Variants in IGSF21 observed in about 807,000 individuals in gnomAD.
IGSF21 encodes immunoglobin superfamily member 21.
Under a neutral mutation model 46.8 loss-of-function variants are expected in IGSF21, and 28 were observed. The observed-to-expected ratio is 0.60, with a 90% CI of 0.44 to 0.82. IGSF21 has a LOEUF of 0.82. Ranked by LOEUF, IGSF21 falls within the 40% of genes least tolerant of loss-of-function variation. The probability of loss-of-function intolerance (pLI) is 0.00; values close to 1 mark genes in which losing one functional copy is unlikely to be tolerated. For missense variants in IGSF21, 624 were observed against 665.5 expected (o/e 0.94, Z 0.69); for synonymous variants, 284 against 273.6 (o/e 1.04, Z -0.38).
At chr1:18,171,886 T>C (rs2086740676) in intron 1 of IGSF21, among the ~76,000 whole-genome samples, 1 of 152,190 alleles carries the variant, frequency 6.6e-6, no homozygotes, top group Non-Finnish European at 1.5e-5. Flanking sequence ...TTCCCTCTAA[T>C]AGTGATTGGT....
At position 18,337,060 on chromosome 1, in the gene IGSF21, G is replaced by A. The variant is rs2085776384; in HGVS notation, c.424+2050G>A. ...GGGAATTGTGGGAGCTACAGTATAAGATGAGATTTGAGTTGGGACACAGCC... is the reference window on the plus strand; with the variant it reads ...GGGAATTGTGGGAGCTACAGTATAAAATGAGATTTGAGTTGGGACACAGCC... On this transcript the variant is annotated intron_variant, in intron 4 of 9. Transcript: ENST00000251296. This position sits in a 1 kb window ranked among gnomAD's most constrained non-coding sequence, Gnocchi z 5.7. Among the ~76,000 whole-genome samples the A allele has an allele frequency of 6.6e-6, 1 of 152,204 alleles. No homozygotes were observed. The highest frequency in any genetic ancestry group is 1.5e-5 in the Non-Finnish European group (1 of 68,032).
intron 3 of IGSF21, among the ~76,000 whole-genome samples, chr1:18,331,299 A>G (rs2085710703): frequency 6.6e-6 from 1 of 151,272 alleles, no homozygotes; most frequent in South Asian, 2.1e-4. Flanking sequence ...TTATTGTATC[A>G]TTCTTATGCC....
chr1:18,372,891 T>C (rs1051646371), intron 6 of IGSF21, among the ~76,000 whole-genome samples: 28 of 150,692 alleles, frequency 1.9e-4, no homozygotes, highest in African/African-American at 6.6e-4. Context: ...GATGGATGGA[T>C]GAGTGGGTGA....
At chr1:18,180,774 C>T (rs2086849786) in intron 1 of IGSF21, among the ~76,000 whole-genome samples, 1 of 152,182 alleles carries the variant, frequency 6.6e-6, no homozygotes, top group Non-Finnish European at 1.5e-5. Flanking sequence ...TCATTTAAGG[C>T]TTATACAACC....
At chr1:18,188,995 A>C (rs973900574) in intron 1 of IGSF21, among the ~76,000 whole-genome samples, 14 of 152,178 alleles carry the variant, frequency 9.2e-5, no homozygotes, top group Non-Finnish European at 1.8e-4. Flanking sequence ...GTCAGAGATG[A>C]GCTGGCACTG....
In IGSF21 at chr1:18,270,463, C is replaced by T. The variant is rs1488126634; in HGVS notation, c.184-21403C>T. On this transcript the variant is annotated intron_variant, in intron 2 of 9. Coordinates refer to ENST00000251296, the MANE Select transcript of IGSF21 (RefSeq NM_032880.5). ...CCTGCTTCATGCCTCTCCAGGGCAG[C>T]CTCGGGCAAGAGGGAGCCCTTGGTG... is the stretch of plus-strand genomic sequence containing the variant. 3.3e-5 allele frequency among the ~76,000 whole-genome samples: 5 copies of T among 152,352 alleles called. No individual in the cohort carries two copies. The South Asian group carries it at 8.3e-4, about 25-fold the overall frequency.
intron 2 of IGSF21, among the ~76,000 whole-genome samples, chr1:18,244,228 A>G (rs76925306): frequency 0.038 from 5,712 of 152,318 alleles, 119 homozygotes; most frequent in Non-Finnish European, 0.053. Context: ...CGCTCCATGC[A>G]TTGCCCCCGG....
chr1:18,304,722 CACACACAT>C (rs59127488), intron 3 of IGSF21, among the ~76,000 whole-genome samples: 38,931 of 110,332 alleles, frequency 0.35, 5,263 homozygotes, highest in African/African-American at 0.45. Flanking sequence ...CACACACACA[CACACACAT>C]ACACACACAC....
intron 1 of IGSF21, among the ~76,000 whole-genome samples, chr1:18,212,308 A>G (rs2124491932): frequency 6.6e-6 from 1 of 152,338 alleles, no homozygotes; most frequent in East Asian, 1.9e-4. Flanking sequence ...CTAGCTTGTG[A>G]TAGAGTCAGA....
chr1:18,108,216 T>C lies in IGSF21; in HGVS notation c.70+18T>C. 1.5e-6 allele frequency: 2 copies of C among 1,363,084 alleles called. No individual in the cohort carries two copies. Among genetic ancestry groups the C allele is most frequent in the South Asian group, 3.5e-5 (2 of 57,506 alleles). The allele number at this position is 1,363,084 out of a possible 1,614,324, so 84.4% of individuals were successfully genotyped here. A position where few individuals can be genotyped will look rare whatever the true frequency, so the allele number is the denominator to read the frequency against. On this transcript the variant is annotated intron_variant, in intron 1 of 9. Coordinates refer to ENST00000251296, the MANE Select transcript of IGSF21 (RefSeq NM_032880.5). ...GGCGCGCGGTGAGTGCGCGGGCGCCTGGCGGGAGCCGAGCGGTGAACGTGC... is the reference window on the plus strand; with the variant it reads ...GGCGCGCGGTGAGTGCGCGGGCGCCCGGCGGGAGCCGAGCGGTGAACGTGC...
chr1:18,188,603 C>T (rs760363513), intron 1 of IGSF21, among the ~76,000 whole-genome samples: 3 of 152,154 alleles, frequency 2.0e-5, no homozygotes, highest in Non-Finnish European at 4.4e-5. Flanking sequence ...TGGGGACAGA[C>T]CTGGGCGTGT....
At chr1:18,227,469 C>T (rs1247399330) in intron 1 of IGSF21, among the ~76,000 whole-genome samples, 1 of 151,750 alleles carries the variant, frequency 6.6e-6, no homozygotes, top group Admixed American at 6.6e-5. Flanking sequence ...TCCTGCAGGA[C>T]CGAATAGATG....
chr1:18,255,760 C>T (rs918583178), intron 2 of IGSF21, among the ~76,000 whole-genome samples: 1 of 152,090 alleles, frequency 6.6e-6, no homozygotes, highest in Non-Finnish European at 1.5e-5. Flanking sequence ...ATTCCACTTC[C>T]TAAATCTCTC....
intron 2 of IGSF21, among the ~76,000 whole-genome samples, chr1:18,288,131 G>C (rs2085233396): frequency 6.6e-6 from 1 of 152,196 alleles, no homozygotes. Context: ...GAGGTGGAAT[G>C]ACTTCTTCAG....
chr1:18,218,447 G>A (rs1032725307), intron 1 of IGSF21, among the ~76,000 whole-genome samples: 1 of 152,118 alleles, frequency 6.6e-6, no homozygotes, highest in Non-Finnish European at 1.5e-5. Flanking sequence ...ACAAAATCAA[G>A]GACTTCCAGC....
intron 1 of IGSF21, among the ~76,000 whole-genome samples, chr1:18,198,613 G>C (rs949872128): frequency 2.8e-4 from 43 of 152,226 alleles, no homozygotes; most frequent in Admixed American, 2.7e-3. Context: ...TCTTAATGCT[G>C]TAATAAAACT....
intron 2 of IGSF21, among the ~76,000 whole-genome samples, chr1:18,228,515 A>G (rs888851548): frequency 1.6e-4 from 25 of 152,272 alleles, no homozygotes; most frequent in African/African-American, 5.3e-4. Context: ...TAGAGATGAG[A>G]AGGTACCCAC....
chr1:18,135,603 A>G (rs532246478), intron 1 of IGSF21, among the ~76,000 whole-genome samples: 4 of 152,248 alleles, frequency 2.6e-5, no homozygotes, highest in South Asian at 2.1e-4. Flanking sequence ...ATCATTTTTT[A>G]TGGCTGCATA....
chr1:18,359,336 G>GAAAA (rs1162951748), intron 4 of IGSF21, among the ~76,000 whole-genome samples: 3,485 of 44,016 alleles, frequency 0.079, 244 homozygotes, highest in African/African-American at 0.099. Context: ...GAAAGAGAAA[G>GAAAA]AAAAAGAAAG....
Sources: gnomAD v4.1 joint callset for allele counts (sites outside exome capture counted in the v4.1 genomes callset) on GRCh38, gnomAD v4.1.1 for gene constraint, Gnocchi (gnomAD v3.1) non-coding constraint, MANE v1.5 for transcripts, NCBI Gene and HGNC (gene_info 2026-07-23, HGNC 2026-07-21) for gene names.